PCSK5: variants seen among roughly 807,000 people sequenced by gnomAD.
PCSK5 encodes the protein proprotein convertase subtilisin/kexin type 5.
A neutral mutation model predicts 233.2 loss-of-function variants in PCSK5; 129 were observed. The ratio of observed to expected loss-of-function variants is 0.55; its 90% CI spans 0.48 to 0.64. The LOEUF (loss-of-function observed/expected upper bound fraction) is 0.64. Among genes scored for constraint, PCSK5 ranks in the 30% least tolerant of loss-of-function variants. The probability of loss-of-function intolerance (pLI) is 0.00; values close to 1 mark genes in which losing one functional copy is unlikely to be tolerated. For synonymous variants in PCSK5, 825 were observed against 879.2 expected (o/e 0.94, Z 1.09); for missense variants, 2,076 against 2,430.1 (o/e 0.85, Z 3.06).
chr9:76,069,598 T>G (rs1336580109), intron 6 of PCSK5, among the ~76,000 whole-genome samples: 1 of 152,176 alleles, frequency 6.6e-6, no homozygotes, highest in Non-Finnish European at 1.5e-5. Flanking sequence ...ATCTTTAAAC[T>G]TGACAAAGTA....
intron 10 of PCSK5, 51 bp from the exon 11 acceptor site, chr9:76,156,994 A>G: frequency 7.9e-7 from 1 of 1,262,472 alleles, no homozygotes; most frequent in Non-Finnish European, 1.2e-6. Context: ...GTGACGTTAT[A>G]ATTTGACCTA....
At chr9:76,184,388 A>AG (rs1554702011) in intron 16 of PCSK5, among the ~76,000 whole-genome samples, 1 of 278 alleles carries the variant, frequency 3.6e-3, no homozygotes, top group African/African-American at 0.024. Context: ...GAAGAAGAAG[A>AG]AAAAAAAAAG....
Position 76,358,729 on chromosome 9 carries a change from G to A in PCSK5, c.5471G>A (p.Arg1824Lys). ...KSYSSYKSSY[R>K]ESTSFEEDQV... ...TACTCCTCCTATAAGAGCAGCTATA[G>A]AGAGAGCACCAGCTTTGAAGAGGAT... The change falls in exon 38 of 38, where the codon AGA becomes AAA. Residue 1824 changes from arginine to lysine, a missense_variant. This residue lies in a region of PCSK5 where 1,510 missense variants were observed against 1,538.1 expected (regional missense o/e 0.98). Transcript: ENST00000674117. 1 of 1,612,904 alleles carries A rather than the reference G, an allele frequency of 6.2e-7. No individual in the cohort carries two copies.
chr9:75,908,946 T>C (rs1019255412), intron 1 of PCSK5, among the ~76,000 whole-genome samples: 2 of 57,772 alleles, frequency 3.5e-5, no homozygotes, highest in Non-Finnish European at 8.4e-5. Flanking sequence ...TCTCTGTCTA[T>C]CTATCTATCT....
intron 3 of PCSK5, among the ~76,000 whole-genome samples, chr9:76,010,421 T>C (rs1827682437): frequency 6.6e-6 from 1 of 152,222 alleles, no homozygotes; most frequent in African/African-American, 2.4e-5. Context: ...AGTTCTGTTT[T>C]TTGTTTGTCT....
intron 24 of PCSK5, among the ~76,000 whole-genome samples, chr9:76,278,241 A>G (rs1827752089): frequency 6.6e-6 from 1 of 152,190 alleles, no homozygotes; most frequent in African/African-American, 2.4e-5. Context: ...ATTGTATCAG[A>G]AAAACAATTC....
intron 2 of PCSK5, among the ~76,000 whole-genome samples, chr9:75,974,413 G>A (rs1825929711): frequency 6.6e-6 from 1 of 152,188 alleles, no homozygotes; most frequent in Admixed American, 6.5e-5. Flanking sequence ...AAAACATTCG[G>A]TTTGCCTCAG....
At chr9:76,165,378 T>A (rs1348805648) in intron 12 of PCSK5, among the ~76,000 whole-genome samples, 1 of 152,230 alleles carries the variant, frequency 6.6e-6, no homozygotes, top group African/African-American at 2.4e-5. Context: ...ATAAAACATC[T>A]TGTTATTTAG....
chr9:75,916,255 A>G (rs1822984431), intron 1 of PCSK5, among the ~76,000 whole-genome samples: 1 of 152,226 alleles, frequency 6.6e-6, no homozygotes, highest in African/African-American at 2.4e-5. Flanking sequence ...TGAAAATAGC[A>G]CTGAGCTTGG....
intron 32 of PCSK5, among the ~76,000 whole-genome samples, chr9:76,326,982 G>C (rs1231156747): frequency 6.6e-6 from 1 of 152,198 alleles, no homozygotes; most frequent in Admixed American, 6.5e-5. Context: ...CCCAGAGATG[G>C]TCGGCCTGGT....
chr9:76,328,867 G>T (rs1480997202), intron 33 of PCSK5, among the ~76,000 whole-genome samples: 1 of 151,790 alleles, frequency 6.6e-6, no homozygotes, highest in East Asian at 1.9e-4. Flanking sequence ...GGAGTGCAGT[G>T]GTATGATCTC....
rs1222152410 is a variant in PCSK5, at chr9:76,157,861, T to G, written c.1430+699T>G. Reference sequence around the variant, plus strand: ...AGAGAAAAAACAAAAGGGTGGAAAGTTAACCAGTGTTTATTGAGCACTTAC... The same window carrying G: ...AGAGAAAAAACAAAAGGGTGGAAAGGTAACCAGTGTTTATTGAGCACTTAC... On this transcript the variant is annotated intron_variant, in intron 11 of 37. Coordinates refer to ENST00000674117, the MANE Select transcript of PCSK5 (RefSeq NM_001372043.1). Among the ~76,000 whole-genome samples the G allele has an allele frequency of 2.6e-5, 4 of 152,340 alleles. No homozygotes were observed. In the East Asian group the frequency reaches 7.7e-4, roughly 29 times the overall value.
intron 20 of PCSK5, among the ~76,000 whole-genome samples, chr9:76,224,260 T>C (rs1231039646): frequency 2.0e-5 from 3 of 152,104 alleles, no homozygotes; most frequent in Non-Finnish European, 2.9e-5. Context: ...GAGGAAGAGA[T>C]TAAACACAGA....
chr9:76,012,529 T>C (rs1187211438), intron 3 of PCSK5, among the ~76,000 whole-genome samples: 2 of 152,182 alleles, frequency 1.3e-5, no homozygotes, highest in African/African-American at 4.8e-5. Flanking sequence ...ATAGTTGGCT[T>C]GTGCAATATG....
intron 1 of PCSK5, among the ~76,000 whole-genome samples, chr9:75,912,731 T>C (rs1822801425): frequency 6.6e-6 from 1 of 152,208 alleles, no homozygotes; most frequent in South Asian, 2.1e-4. Flanking sequence ...TGTACATACA[T>C]ACACATAGCA....
At chr9:76,098,163 T>C (rs758892761) in intron 8 of PCSK5, among the ~76,000 whole-genome samples, 1 of 152,226 alleles carries the variant, frequency 6.6e-6, no homozygotes, top group Non-Finnish European at 1.5e-5. Flanking sequence ...TTTAGTTACA[T>C]TTTGTAGATT....
chr9:76,238,483 G>A (rs950396495), intron 22 of PCSK5, among the ~76,000 whole-genome samples: 1 of 152,160 alleles, frequency 6.6e-6, no homozygotes, highest in African/African-American at 2.4e-5. Context: ...GATGGTTAAC[G>A]CAAGCATGTG....
chr9:75,932,293 T>C, intron 1 of PCSK5, 86 bp from the exon 2 acceptor site: 1 of 844,168 alleles, frequency 1.2e-6, no homozygotes, highest in South Asian at 1.6e-5. Flanking sequence ...TGTGTTCCTT[T>C]TTAAATGAAA....
At chr9:76,229,093 T>A (rs1825991062) in intron 21 of PCSK5, among the ~76,000 whole-genome samples, 2 of 152,216 alleles carry the variant, frequency 1.3e-5, no homozygotes. Context: ...GTTTTAAGAA[T>A]TTTTAATGCT....
Sources: allele counts gnomAD v4.1 joint callset (sites outside exome capture counted in the v4.1 genomes callset), GRCh38; gene constraint gnomAD v4.1.1; regional missense constraint gnomAD v4.1.1; transcripts MANE v1.5; gene names NCBI Gene and HGNC (gene_info 2026-07-23, HGNC 2026-07-21).